Variants in PPP2R3A observed in about 807,000 individuals in gnomAD.
The protein encoded by PPP2R3A is serine/threonine-protein phosphatase 2A regulatory subunit B'' subunit alpha.
A neutral mutation model predicts 106.9 loss-of-function variants in PPP2R3A; 80 were observed. That is an observed-to-expected ratio of 0.75 (90% CI 0.62 to 0.90). The LOEUF (loss-of-function observed/expected upper bound fraction) is 0.90, where lower values mean the gene tolerates loss of function less well. Among genes scored for constraint, PPP2R3A ranks in the 40% least tolerant of loss-of-function variants. The pLI, the probability that PPP2R3A is intolerant of heterozygous loss-of-function variation, is 0.00. For missense variants in PPP2R3A, 1,386 were observed against 1,350.4 expected (o/e 1.03, Z -0.41); for synonymous variants, 483 against 468.3 (o/e 1.03, Z -0.41).
rs545915748 is a variant in PPP2R3A, at chr3:136,003,235, T to C, written c.1737T>C (p.Asn579=). 2 of 1,613,888 alleles carry C rather than the reference T, an allele frequency of 1.2e-6. No homozygotes were observed. Among genetic ancestry groups the C allele is most frequent in the African/African-American group, 2.7e-5 (2 of 75,004 alleles). Residue 579 remains asparagine (N), a synonymous_variant, in exon 2 of 14, where the codon AAT becomes AAC. Coordinates refer to ENST00000264977, the MANE Select transcript of PPP2R3A (RefSeq NM_002718.5). The stretch of plus-strand genomic sequence containing the variant: ...GTCTAACAAGGATTATTGAAACCAA[T>C]GGACACAAAATAGAGGAAGAGGATC... ...PSCLTRIIET[N]GHKIEEEDRA... is the part of the protein sequence containing the mutation.
intron 13 of PPP2R3A, among the ~76,000 whole-genome samples, chr3:136,141,229 G>A (rs1938860844): frequency 6.6e-6 from 1 of 152,196 alleles, no homozygotes; most frequent in Non-Finnish European, 1.5e-5. Flanking sequence ...TTTCTGAGTA[G>A]TTGATAACAC....
chr3:136,083,223 A>G (rs1038496799), intron 8 of PPP2R3A, among the ~76,000 whole-genome samples: 4 of 152,130 alleles, frequency 2.6e-5, no homozygotes, highest in Admixed American at 6.6e-5. Flanking sequence ...TGGTTTGGCT[A>G]TGTTCCCACC....
intron 6 of PPP2R3A, among the ~76,000 whole-genome samples, chr3:136,074,357 T>C (rs572498484): frequency 6.6e-6 from 1 of 152,234 alleles, no homozygotes; most frequent in Non-Finnish European, 1.5e-5. Flanking sequence ...AAGAAGGACA[T>C]CATTACCCAA....
At position 136,002,358 on chromosome 3, in the gene PPP2R3A, C is replaced by A; in HGVS notation, c.860C>A (p.Ser287Tyr). The A allele has an allele frequency of 6.2e-7, 1 of 1,613,826 alleles. No individual in the cohort carries two copies. Among genetic ancestry groups the A allele is most frequent in the Non-Finnish European group, 8.5e-7 (1 of 1,179,930 alleles). ...ATGAATGTAATGACCAGGTTAGCATCCTATCTGAAAAAGTTACCATTTGAA... is the reference window on the plus strand; with the variant it reads ...ATGAATGTAATGACCAGGTTAGCATACTATCTGAAAAAGTTACCATTTGAA... ...VYMNVMTRLA[S>Y]YLKKLPFEFM... Residue 287 changes from serine to tyrosine, a missense_variant, in exon 2 of 14, where the codon TCC becomes TAC. Physicochemically the swap from Ser to Tyr is moderately radical, Grantham distance 144 (BLOSUM62 -2). Coordinates refer to ENST00000264977, the MANE Select transcript of PPP2R3A (RefSeq NM_002718.5).
intron 3 of PPP2R3A, among the ~76,000 whole-genome samples, chr3:136,030,759 C>CATAT (rs1559878018): frequency 1.4e-5 from 1 of 69,962 alleles, no homozygotes; most frequent in African/African-American, 6.4e-5. Flanking sequence ...AGTATTCCAT[C>CATAT]ACATATATAT....
At chr3:136,047,106 A>G (rs533273962) in intron 4 of PPP2R3A, among the ~76,000 whole-genome samples, 75 of 152,332 alleles carry the variant, frequency 4.9e-4, no homozygotes, top group South Asian at 2.1e-3. Flanking sequence ...GACCAAACCT[A>G]TAACTCATTG....
At chr3:136,073,480 T>A (rs896309016) in intron 6 of PPP2R3A, among the ~76,000 whole-genome samples, 9 of 152,266 alleles carry the variant, frequency 5.9e-5, no homozygotes, top group African/African-American at 2.2e-4. Context: ...CACTTTGTTA[T>A]TAACATTGTG....
intron 13 of PPP2R3A, among the ~76,000 whole-genome samples, chr3:136,134,991 C>T (rs750216750): frequency 6.6e-6 from 1 of 151,900 alleles, no homozygotes; most frequent in Admixed American, 6.6e-5. Flanking sequence ...AACAAATAGA[C>T]ATGTTCATCT....
intron 2 of PPP2R3A, among the ~76,000 whole-genome samples, chr3:136,014,699 A>T (rs1322877045): frequency 1.3e-5 from 2 of 152,118 alleles, no homozygotes; most frequent in Non-Finnish European, 2.9e-5. Flanking sequence ...ACTTGACTGA[A>T]TTCCTTTATC....
chr3:136,106,203 T>G lies in PPP2R3A; in HGVS notation c.3223-13T>G. On this transcript the variant is annotated splice_polypyrimidine_tract_variant and intron_variant, in intron 12 of 13. Transcript: ENST00000264977. The stretch of plus-strand genomic sequence containing the variant: ...TTTTTTTTATTTCTCGTGGCTGTCT[T>G]CTTTCCAATCAGGATGTTGAGAACG... The G allele has an allele frequency of 6.2e-7, 1 of 1,601,936 alleles. No individual in the cohort carries two copies. Among genetic ancestry groups the G allele is most frequent in the African/African-American group, 1.3e-5 (1 of 74,160 alleles).
chr3:136,075,154 C>G (rs1412791733), intron 6 of PPP2R3A, among the ~76,000 whole-genome samples: 4 of 152,086 alleles, frequency 2.6e-5, no homozygotes, highest in Non-Finnish European at 4.4e-5. Flanking sequence ...TTAGAGATTT[C>G]TAATTCAATA....
At chr3:136,121,291 A>G (rs1409028636) in intron 13 of PPP2R3A, among the ~76,000 whole-genome samples, 1 of 152,228 alleles carries the variant, frequency 6.6e-6, no homozygotes, top group East Asian at 1.9e-4. Flanking sequence ...AGCAACATGG[A>G]TGCAGCTGGA....
chr3:135,994,638 G>A (rs1933313713), intron 1 of PPP2R3A, among the ~76,000 whole-genome samples: 1 of 152,092 alleles, frequency 6.6e-6, no homozygotes, highest in South Asian at 2.1e-4. Context: ...GGAGTTACAG[G>A]TGTCTCCTAG....
intron 1 of PPP2R3A, among the ~76,000 whole-genome samples, chr3:135,973,686 C>G (rs902134121): frequency 2.0e-5 from 3 of 152,116 alleles, no homozygotes; most frequent in Non-Finnish European, 4.4e-5. Flanking sequence ...TCTTATTGGA[C>G]CAAGAATCCT....
At chr3:135,984,496 T>C (rs1201364205) in intron 1 of PPP2R3A, among the ~76,000 whole-genome samples, 2 of 152,138 alleles carry the variant, frequency 1.3e-5, no homozygotes, top group Non-Finnish European at 1.5e-5. Context: ...TCACTTCGAA[T>C]TGTAATCCCC....
chr3:136,099,752 G>T (rs993305801), intron 10 of PPP2R3A, among the ~76,000 whole-genome samples: 10 of 151,912 alleles, frequency 6.6e-5, no homozygotes, highest in African/African-American at 2.4e-4. Context: ...TAGCCACAAT[G>T]GAAAAATTTA....
At chr3:136,055,175 G>T in intron 5 of PPP2R3A, 1 of 756,794 alleles carries the variant, frequency 1.3e-6, no homozygotes. Flanking sequence ...AGGATCTCCA[G>T]TTATAAATAT....
chr3:136,074,491 G>T (rs1036874769), intron 6 of PPP2R3A, among the ~76,000 whole-genome samples: 3 of 152,244 alleles, frequency 2.0e-5, no homozygotes, highest in Non-Finnish European at 2.9e-5. Flanking sequence ...CATAGCCGTT[G>T]AGTGCAGTTT....
intron 2 of PPP2R3A, among the ~76,000 whole-genome samples, chr3:136,021,816 T>G (rs1934476510): frequency 6.6e-6 from 1 of 152,148 alleles, no homozygotes; most frequent in Non-Finnish European, 1.5e-5. Context: ...CTTTTTTTTC[T>G]TGTCATTATT....
Sources: gnomAD v4.1 joint callset for allele counts (sites outside exome capture counted in the v4.1 genomes callset) on GRCh38, gnomAD v4.1.1 for gene constraint, MANE v1.5 for transcripts, NCBI Gene and HGNC (gene_info 2026-07-23, HGNC 2026-07-21) for gene names.